Variants in GUCY1A1 observed in about 807,000 individuals in gnomAD.
GUCY1A1 encodes the protein guanylate cyclase soluble subunit alpha-1.
A neutral mutation model predicts 64.5 loss-of-function variants in GUCY1A1; 48 were observed. The observed-to-expected ratio is 0.74, with a 90% confidence interval of 0.59 to 0.95. The LOEUF (loss-of-function observed/expected upper bound fraction) is 0.95, where lower values mean the gene tolerates loss of function less well. Ranked by LOEUF, GUCY1A1 falls within the 40% of genes least tolerant of loss-of-function variation. The pLI is 0.00. For missense variants in GUCY1A1, 804 were observed against 825.3 expected, an observed-to-expected ratio of 0.97 and a Z score of 0.32; for synonymous variants, 308 against 303.4, an observed-to-expected ratio of 1.02 and a Z score of -0.16.
At chr4:155,704,019 G>T in intron 4 of GUCY1A1, 26 bp downstream of exon 4, 2 of 1,428,666 alleles carry the variant, frequency 1.4e-6, no homozygotes, top group South Asian at 2.4e-5. Context: ...TTAGTTGTGT[G>T]AACCTCTTAT....
chr4:155,712,156 C>A (rs1377742015), intron 6 of GUCY1A1, among the ~76,000 whole-genome samples: 2 of 151,956 alleles, frequency 1.3e-5, no homozygotes, highest in African/African-American at 4.8e-5. Flanking sequence ...ATTTAGACTG[C>A]GTCTTGCTCT....
intron 8 of GUCY1A1, among the ~76,000 whole-genome samples, 162 bp downstream of exon 8, chr4:155,717,464 A>C (rs755556261): frequency 7.2e-5 from 11 of 152,150 alleles, no homozygotes; most frequent in African/African-American, 9.7e-5. Flanking sequence ...CATTGGAAGA[A>C]ATTTATTATA....
chr4:155,683,329 A>C (rs576326946), intron 2 of GUCY1A1, among the ~76,000 whole-genome samples: 1 of 152,256 alleles, frequency 6.6e-6, no homozygotes, highest in East Asian at 1.9e-4. Context: ...GTGTCTTCAC[A>C]TACAAAGAAT....
intron 7 of GUCY1A1, among the ~76,000 whole-genome samples, chr4:155,715,107 TC>T (rs375163356): frequency 2.6e-5 from 4 of 152,150 alleles, no homozygotes; most frequent in African/African-American, 9.7e-5. Context: ...GCCACAGAGT[TC>T]CCTGATTAAT....
chr4:155,682,643 G>C (rs908132053), intron 2 of GUCY1A1, among the ~76,000 whole-genome samples: 9 of 151,392 alleles, frequency 5.9e-5, no homozygotes, highest in African/African-American at 1.9e-4. Flanking sequence ...CTGCACTCCA[G>C]CCTGGGCAAT....
At chr4:155,676,343 T>G (rs1734944684) in intron 2 of GUCY1A1, among the ~76,000 whole-genome samples, 1 of 150,616 alleles carries the variant, frequency 6.6e-6, no homozygotes, top group African/African-American at 2.5e-5. Flanking sequence ...CCTATTAGTT[T>G]TCTTCATTCC....
intron 3 of GUCY1A1, among the ~76,000 whole-genome samples, chr4:155,697,593 T>A (rs1478060006): frequency 6.6e-6 from 1 of 152,230 alleles, no homozygotes; most frequent in African/African-American, 2.4e-5. Context: ...TTAAAGAGCA[T>A]CATACGTCCC....
In GUCY1A1 at chr4:155,735,880, A is replaced by G. The variant is rs1176906543; in HGVS notation, c.*5649A>G. The G allele has an allele frequency of 6.6e-6, 1 of 151,988 alleles. No homozygotes were observed. The highest frequency in any genetic ancestry group is 2.4e-5 in the African/African-American group (1 of 41,436). The allele number at this position is 151,988 out of a possible 1,614,324, so 9.4% of individuals were successfully genotyped here. ...AGTGGTCTGGGAATTCTGGGCCTTT[A>G]GAAATAATCATTCCCAGTGATACAG... On this transcript the variant is annotated 3_prime_UTR_variant, in exon 10 of 10. Coordinates refer to ENST00000506455, the MANE Select transcript of GUCY1A1 (RefSeq NM_001130682.3).
intron 9 of GUCY1A1, among the ~76,000 whole-genome samples, chr4:155,729,399 A>G (rs1030513052): frequency 2.6e-5 from 4 of 151,866 alleles, no homozygotes; most frequent in African/African-American, 4.8e-5. Context: ...AGCAAACAAT[A>G]TAATGTGGTA....
chr4:155,691,759 C>T (rs758479594), intron 2 of GUCY1A1, among the ~76,000 whole-genome samples: 6 of 152,042 alleles, frequency 3.9e-5, no homozygotes, highest in Non-Finnish European at 7.4e-5. Context: ...TTGCCTCTTC[C>T]CTGTAACTTT....
intron 9 of GUCY1A1, among the ~76,000 whole-genome samples, chr4:155,726,302 C>T (rs1734659102): frequency 6.6e-6 from 1 of 151,858 alleles, no homozygotes; most frequent in Non-Finnish European, 1.5e-5. Context: ...TTTTAAATTC[C>T]TTTCTTTCAG....
chr4:155,733,032 CTT>C lies in GUCY1A1; in HGVS notation c.*2803_*2804del. On this transcript the variant is annotated 3_prime_UTR_variant, in exon 10 of 10. Transcript: ENST00000506455. ...CTTTGTTTTTCTATATCGATCTAGA[CTT>C]TGTAGGAAAATGCAAAGCGTATATT... is the stretch of plus-strand genomic sequence containing the variant. Among the ~76,000 whole-genome samples the C allele has an allele frequency of 6.6e-6, 1 of 151,826 alleles. No homozygotes were observed. Among genetic ancestry groups the C allele is most frequent in the African/African-American group, 2.4e-5 (1 of 41,462 alleles).
intron 2 of GUCY1A1, among the ~76,000 whole-genome samples, chr4:155,670,863 C>G (rs540644740): frequency 6.6e-6 from 1 of 152,130 alleles, no homozygotes; most frequent in African/African-American, 2.4e-5. Context: ...GAAGTCGACA[C>G]GAGACAATGG....
intron 4 of GUCY1A1, among the ~76,000 whole-genome samples, chr4:155,706,847 A>G (rs948519171): frequency 3.3e-5 from 5 of 152,224 alleles, no homozygotes; most frequent in Non-Finnish European, 5.9e-5. Context: ...ACTATCAGAA[A>G]TCATCACAAA....
At position 155,735,969 on chromosome 4, in the gene GUCY1A1, A is replaced by G. The variant is rs1736016932; in HGVS notation, c.*5738A>G. The G allele has an allele frequency of 6.6e-6, 1 of 151,968 alleles. No homozygotes were observed. Among genetic ancestry groups the G allele is most frequent in the Non-Finnish European group, 1.5e-5 (1 of 67,938 alleles). The allele number at this position is 151,968 out of a possible 1,614,324, so 9.4% of individuals were successfully genotyped here. ...CTGCCGTCTTCCCTGAATAAGTTGTATCTTATAACATTGAAGTGAATGAAA... is the reference window on the plus strand; with the variant it reads ...CTGCCGTCTTCCCTGAATAAGTTGTGTCTTATAACATTGAAGTGAATGAAA... On this transcript the variant is annotated 3_prime_UTR_variant, in exon 10 of 10. Transcript: ENST00000506455.
chr4:155,672,544 A>T (rs1386550637), intron 2 of GUCY1A1, among the ~76,000 whole-genome samples: 3 of 152,214 alleles, frequency 2.0e-5, no homozygotes, highest in Non-Finnish European at 4.4e-5. Flanking sequence ...TGCAGAATAG[A>T]TGTCAAGTAA....
chr4:155,720,819 G>T lies in GUCY1A1; in HGVS notation c.1717-1219G>T, dbSNP rs1733874187. Among the ~76,000 whole-genome samples, 2 of 152,152 alleles carry T rather than the reference G, an allele frequency of 1.3e-5. 1 individual carries two copies. Among genetic ancestry groups the T allele is most frequent in the South Asian group, 4.1e-4 (2 of 4,836 alleles). On this transcript the variant is annotated intron_variant, in intron 8 of 9. Coordinates refer to ENST00000506455, the MANE Select transcript of GUCY1A1 (RefSeq NM_001130682.3). ...TCTAATACAACTTTTTAAAATGGTT[G>T]AGTAAACAAAGAGTTTGAAAATAAT...
intron 9 of GUCY1A1, among the ~76,000 whole-genome samples, chr4:155,724,189 G>T (rs1734353034): frequency 6.6e-6 from 1 of 152,046 alleles, no homozygotes; most frequent in African/African-American, 2.4e-5. Flanking sequence ...TTTACTCTCA[G>T]TGCTATTTCC....
At chr4:155,714,627 T>G (rs1732998327) in intron 7 of GUCY1A1, among the ~76,000 whole-genome samples, 1 of 152,216 alleles carries the variant, frequency 6.6e-6, no homozygotes, top group Non-Finnish European at 1.5e-5. Flanking sequence ...CATAACAATC[T>G]GACATTTCAG....
Sources: allele counts gnomAD v4.1 joint callset (sites outside exome capture counted in the v4.1 genomes callset), GRCh38; gene constraint gnomAD v4.1.1; transcripts MANE v1.5; gene names NCBI Gene and HGNC (gene_info 2026-07-23, HGNC 2026-07-21).